IMMP2L: variants seen among roughly 807,000 people sequenced by gnomAD.
IMMP2L encodes mitochondrial inner membrane protease subunit 2.
In IMMP2L, 18 loss-of-function variants were observed where a neutral mutation model predicts 19.3. That is an observed-to-expected ratio of 0.93 (90% confidence interval 0.64 to 1.38). IMMP2L has a LOEUF of 1.38. Ranked by LOEUF, IMMP2L falls within the 40% of genes most tolerant of loss-of-function variation. The probability of loss-of-function intolerance (pLI) is 0.00; values close to 1 mark genes in which losing one functional copy is unlikely to be tolerated. For synonymous variants in IMMP2L, 76 were observed against 73.0 expected, an observed-to-expected ratio of 1.04 and a Z score of -0.21; for missense variants, 233 against 218.2, an observed-to-expected ratio of 1.07 and a Z score of -0.43.
intron 2 of IMMP2L, among the ~76,000 whole-genome samples, chr7:111,515,438 T>C (rs1845796593): frequency 6.6e-6 from 1 of 152,122 alleles, no homozygotes; most frequent in Admixed American, 6.6e-5. Context: ...TATGAGCCTA[T>C]GGCCTTGTCT....
intron 3 of IMMP2L, among the ~76,000 whole-genome samples, chr7:111,283,581 A>C (rs1023330545): frequency 6.6e-6 from 1 of 152,132 alleles, no homozygotes; most frequent in Admixed American, 6.6e-5. Flanking sequence ...GACGAGCTGG[A>C]AAAAGAGGTT....
At chr7:111,063,451 A>C (rs1016150835) in intron 3 of IMMP2L, among the ~76,000 whole-genome samples, 1 of 152,092 alleles carries the variant, frequency 6.6e-6, no homozygotes, top group African/African-American at 2.4e-5. Context: ...CCCTGAAGAC[A>C]TTTTCCCTAT....
intron 3 of IMMP2L, among the ~76,000 whole-genome samples, chr7:110,964,340 A>T (rs1453160221): frequency 6.6e-6 from 1 of 152,100 alleles, no homozygotes; most frequent in Non-Finnish European, 1.5e-5. Flanking sequence ...ATTTAAAATT[A>T]AGAAAGGAGT....
chr7:110,843,535 T>C (rs1288718189), intron 5 of IMMP2L, among the ~76,000 whole-genome samples: 2 of 152,130 alleles, frequency 1.3e-5, no homozygotes, highest in Non-Finnish European at 2.9e-5. Context: ...GGTTATATTA[T>C]TGGGTAAATA....
rs1798264335 is a variant in IMMP2L at position 110,760,135 on chromosome 7, G to A, written c.409-96414C>T. On this transcript the variant is annotated intron_variant, in intron 5 of 5. Coordinates refer to ENST00000405709, the MANE Select transcript of IMMP2L (RefSeq NM_032549.4). This position sits in a 1 kb window ranked among gnomAD's most constrained non-coding sequence, Gnocchi z 4.2. ...TTTTCTAATTATTATCTACTTATCA[G>A]CCTTGGGTTGAGAATTCACTTGCTT... Among the ~76,000 whole-genome samples the A allele has an allele frequency of 6.6e-6, 1 of 152,012 alleles. No homozygotes were observed.
At chr7:111,419,328 T>C (rs1243137039) in intron 3 of IMMP2L, among the ~76,000 whole-genome samples, 4 of 151,744 alleles carry the variant, frequency 2.6e-5, no homozygotes, top group Admixed American at 2.6e-4. Flanking sequence ...CTGTTACACT[T>C]TTACTAAAGA....
chr7:111,508,251 A>T (rs1222373173), intron 2 of IMMP2L, among the ~76,000 whole-genome samples: 1 of 152,148 alleles, frequency 6.6e-6, no homozygotes, highest in Non-Finnish European at 1.5e-5. Context: ...AAAGCAAATG[A>T]CAAGCTAAAA....
At chr7:111,324,116 A>C (rs927988260) in intron 3 of IMMP2L, among the ~76,000 whole-genome samples, 4 of 152,092 alleles carry the variant, frequency 2.6e-5, no homozygotes, top group African/African-American at 4.8e-5. Flanking sequence ...CATTGTGCAC[A>C]TATACCCTAA....
chr7:111,365,802 G>A (rs1829707299), intron 3 of IMMP2L, among the ~76,000 whole-genome samples: 1 of 151,824 alleles, frequency 6.6e-6, no homozygotes, highest in Admixed American at 6.6e-5. Flanking sequence ...AGATAGAGAA[G>A]GTACACAATT....
chr7:110,713,770 G>A (rs950954667), intron 5 of IMMP2L, among the ~76,000 whole-genome samples: 1 of 151,736 alleles, frequency 6.6e-6, no homozygotes, highest in African/African-American at 2.4e-5. Context: ...AAATGTTACT[G>A]ATTTTTGGAC....
intron 4 of IMMP2L, among the ~76,000 whole-genome samples, chr7:110,923,342 A>T (rs1814505929): frequency 6.6e-6 from 1 of 152,224 alleles, no homozygotes; most frequent in Admixed American, 6.5e-5. Context: ...AAATTAAAAT[A>T]AAGCATTTGA....
chr7:111,146,430 A>T (rs1803482539), intron 3 of IMMP2L, among the ~76,000 whole-genome samples: 1 of 152,150 alleles, frequency 6.6e-6, no homozygotes, highest in African/African-American at 2.4e-5. Context: ...AAGAAAAATA[A>T]GCATACTTAT....
intron 2 of IMMP2L, among the ~76,000 whole-genome samples, chr7:111,491,345 T>C (rs1843082929): frequency 6.6e-6 from 1 of 152,162 alleles, no homozygotes; most frequent in South Asian, 2.1e-4. Context: ...AATTTTTAAC[T>C]GCATGGGAGT....
intron 5 of IMMP2L, among the ~76,000 whole-genome samples, chr7:110,850,190 G>A (rs1224365834): frequency 6.6e-6 from 1 of 152,076 alleles, no homozygotes; most frequent in Non-Finnish European, 1.5e-5. Context: ...GGTAGGACTT[G>A]TTTTCTGCTA....
At chr7:110,986,948 A>T (rs967264598) in intron 3 of IMMP2L, among the ~76,000 whole-genome samples, 10 of 152,128 alleles carry the variant, frequency 6.6e-5, no homozygotes, top group Admixed American at 6.6e-4. Context: ...CTGAGGTAAG[A>T]TAAAGTCCTA....
chr7:111,264,855 T>C (rs1817669333), intron 3 of IMMP2L, among the ~76,000 whole-genome samples: 1 of 152,066 alleles, frequency 6.6e-6, no homozygotes, highest in Non-Finnish European at 1.5e-5. Flanking sequence ...CCCACAGTTG[T>C]ACAGCATGAT....
intron 4 of IMMP2L, among the ~76,000 whole-genome samples, chr7:110,915,497 A>G (rs1813510226): frequency 6.6e-6 from 1 of 152,194 alleles, no homozygotes; most frequent in South Asian, 2.1e-4. Context: ...CAAAGGGTAC[A>G]AAGTTGCAGT....
intron 5 of IMMP2L, among the ~76,000 whole-genome samples, chr7:110,882,431 G>A (rs1268503446): frequency 7.3e-5 from 11 of 149,728 alleles, no homozygotes; most frequent in East Asian, 6.0e-4. Flanking sequence ...CCCAGGCTCC[G>A]GTGCAATGGT....
chr7:111,187,603 T>C (rs1808411670), intron 3 of IMMP2L, among the ~76,000 whole-genome samples: 1 of 152,120 alleles, frequency 6.6e-6, no homozygotes, highest in African/African-American at 2.4e-5. Context: ...TTATTAAATA[T>C]TTATTGAAGG....
Sources: gnomAD v4.1 joint callset for allele counts (sites outside exome capture counted in the v4.1 genomes callset) on GRCh38, gnomAD v4.1.1 for gene constraint, Gnocchi (gnomAD v3.1) non-coding constraint, MANE v1.5 for transcripts, NCBI Gene and HGNC (gene_info 2026-07-23, HGNC 2026-07-21) for gene names.